Variants in RAB6A observed in about 807,000 individuals in gnomAD.
RAB6A encodes ras-related protein Rab-6A.
In RAB6A, 8 loss-of-function variants were observed where a neutral mutation model predicts 32.3. That is an observed-to-expected ratio of 0.25 (90% confidence interval 0.15 to 0.45). The LOEUF is 0.45. RAB6A is among the 20% of genes least tolerant of loss of function. The pLI is 1.00. For missense variants in RAB6A, 104 were observed against 249.4 expected (o/e 0.42, Z 3.93); for synonymous variants, 73 against 82.1 (o/e 0.89, Z 0.60).
intron 6 of RAB6A, among the ~76,000 whole-genome samples, chr11:73,696,266 C>T (rs989606945): frequency 6.6e-6 from 1 of 152,108 alleles, no homozygotes; most frequent in African/African-American, 2.4e-5. Context: ...GGCACAATCT[C>T]GGCTCACTGC....
chr11:73,749,756 G>A (rs1946645638), intron 1 of RAB6A, among the ~76,000 whole-genome samples: 1 of 152,124 alleles, frequency 6.6e-6, no homozygotes, highest in Admixed American at 6.5e-5. Flanking sequence ...TAGCTACTCG[G>A]GAGGCTAAGC....
intron 6 of RAB6A, among the ~76,000 whole-genome samples, chr11:73,706,607 C>G (rs1945849715): frequency 6.6e-6 from 1 of 152,136 alleles, no homozygotes; most frequent in Non-Finnish European, 1.5e-5. Flanking sequence ...GCATGTGAGT[C>G]TCTGGCTGAC....
At chr11:73,703,073 C>T (rs1028772037) in intron 6 of RAB6A, among the ~76,000 whole-genome samples, 4 of 151,714 alleles carry the variant, frequency 2.6e-5, no homozygotes, top group Non-Finnish European at 4.4e-5. Context: ...CCGCCTGCCT[C>T]AGCCTCCGAA....
intron 1 of RAB6A, among the ~76,000 whole-genome samples, chr11:73,747,198 C>T (rs1326300664): frequency 3.4e-5 from 5 of 148,642 alleles, no homozygotes; most frequent in Admixed American, 1.4e-4. Flanking sequence ...TCCTCTAAGA[C>T]AAAATCTTCC....
intron 1 of RAB6A, among the ~76,000 whole-genome samples, chr11:73,741,239 C>G (rs1946491996): frequency 1.3e-5 from 2 of 151,998 alleles, no homozygotes; most frequent in Admixed American, 1.3e-4. Flanking sequence ...CGGGTTCACG[C>G]CATTCTCCTG....
At chr11:73,724,597 C>T (rs911947435) in intron 2 of RAB6A, among the ~76,000 whole-genome samples, 1 of 151,786 alleles carries the variant, frequency 6.6e-6, no homozygotes, top group African/African-American at 2.4e-5. Flanking sequence ...CGCCATTCTC[C>T]TGCCTCAGCC....
At chr11:73,706,905 G>A (rs1260670167) in intron 6 of RAB6A, among the ~76,000 whole-genome samples, 2 of 151,994 alleles carry the variant, frequency 1.3e-5, no homozygotes, top group Non-Finnish European at 2.9e-5. Flanking sequence ...ATCACCTGAG[G>A]TCAGGAGTTT....
intron 1 of RAB6A, among the ~76,000 whole-genome samples, chr11:73,744,643 T>C (rs1402797164): frequency 6.7e-6 from 1 of 149,398 alleles, no homozygotes; most frequent in Non-Finnish European, 1.5e-5. Flanking sequence ...GAAATCAAAA[T>C]AGTTTGCACT....
chr11:73,689,270 G>A (rs1590826587), intron 6 of RAB6A, among the ~76,000 whole-genome samples: 1 of 152,168 alleles, frequency 6.6e-6, no homozygotes, highest in Non-Finnish European at 1.5e-5. Flanking sequence ...GGATGAAACT[G>A]TTCCACCTGT....
At chr11:73,729,168 A>C (rs900186867) in intron 2 of RAB6A, among the ~76,000 whole-genome samples, 3 of 152,160 alleles carry the variant, frequency 2.0e-5, no homozygotes, top group African/African-American at 7.2e-5. Flanking sequence ...GTATGATCTC[A>C]GCTCATTGCA....
intron 2 of RAB6A, among the ~76,000 whole-genome samples, chr11:73,721,979 T>C (rs1047184864): frequency 6.6e-6 from 1 of 152,030 alleles, no homozygotes; most frequent in African/African-American, 2.4e-5. Flanking sequence ...TATAAAAGGA[T>C]TTCCCCTCTC....
chr11:73,747,902 T>C (rs761588327), intron 1 of RAB6A, among the ~76,000 whole-genome samples: 1 of 152,234 alleles, frequency 6.6e-6, no homozygotes. Context: ...GGATACATAA[T>C]GGCCCATTAT....
intron 5 of RAB6A, among the ~76,000 whole-genome samples, chr11:73,710,310 T>C (rs1034983386): frequency 1.4e-5 from 2 of 145,008 alleles, no homozygotes; most frequent in African/African-American, 5.1e-5. Context: ...ATCTTATATC[T>C]GTATTTCCAT....
At chr11:73,755,259 T>C (rs1399593607) in intron 1 of RAB6A, among the ~76,000 whole-genome samples, 3 of 151,752 alleles carry the variant, frequency 2.0e-5, no homozygotes, top group African/African-American at 7.3e-5. Flanking sequence ...TTAAATATTT[T>C]GAAATTTTCT....
At chr11:73,727,087 A>G (rs1946234793) in intron 2 of RAB6A, among the ~76,000 whole-genome samples, 1 of 152,190 alleles carries the variant, frequency 6.6e-6, no homozygotes, top group Non-Finnish European at 1.5e-5. Context: ...GAAAGAAATA[A>G]AACAATCAAT....
chr11:73,751,481 C>T (rs934963297), intron 1 of RAB6A, among the ~76,000 whole-genome samples: 16 of 152,082 alleles, frequency 1.1e-4, no homozygotes, highest in African/African-American at 3.6e-4. Flanking sequence ...CCCCCATTGA[C>T]TTAGGAATTG....
At chr11:73,686,110 G>A (rs1342280424) in intron 6 of RAB6A, among the ~76,000 whole-genome samples, 1 of 152,104 alleles carries the variant, frequency 6.6e-6, no homozygotes, top group African/African-American at 2.4e-5. Context: ...GGGGTTGGGG[G>A]AGACCTTTTA....
At chr11:73,739,281 AAAAATATATAT>A (rs1328971490) in intron 1 of RAB6A, among the ~76,000 whole-genome samples, 6 of 42,370 alleles carry the variant, frequency 1.4e-4, no homozygotes, top group East Asian at 9.3e-4. Flanking sequence ...AAAAAAAAAA[AAAAATATATAT>A]ATATATATAT....
At chr11:73,754,072 T>C (rs2135017549) in intron 1 of RAB6A, among the ~76,000 whole-genome samples, 1 of 152,354 alleles carries the variant, frequency 6.6e-6, no homozygotes, top group Non-Finnish European at 1.5e-5. Context: ...ATTATCTTTA[T>C]GTTATAGATA....
Sources: gnomAD v4.1 joint callset for allele counts (sites outside exome capture counted in the v4.1 genomes callset) on GRCh38, gnomAD v4.1.1 for gene constraint, MANE v1.5 for transcripts, NCBI Gene and HGNC (gene_info 2026-07-23, HGNC 2026-07-21) for gene names.